ZZEF1: variants seen among roughly 807,000 people sequenced by gnomAD.
ZZEF1 encodes zinc finger ZZ-type and EF-hand domain containing 1.
A neutral mutation model predicts 342.8 loss-of-function variants in ZZEF1; 157 were observed. The ratio of observed to expected loss-of-function variants is 0.46; its 90% CI spans 0.40 to 0.52. The LOEUF is 0.52. Ranked by LOEUF, ZZEF1 falls within the 20% of genes least tolerant of loss-of-function variation. The pLI, the probability that ZZEF1 is intolerant of heterozygous loss-of-function variation, is 0.00. For missense variants in ZZEF1, 3,480 were observed against 3,725.6 expected, an observed-to-expected ratio of 0.93 and a Z score of 1.72; for synonymous variants, 1,505 against 1,429.1, an observed-to-expected ratio of 1.05 and a Z score of -1.20.
intron 39 of ZZEF1, among the ~76,000 whole-genome samples, chr17:4,036,817 A>ACT (rs368445866): frequency 0.055 from 3,934 of 72,180 alleles, 126 homozygotes; most frequent in East Asian, 0.11. Context: ...ACACACACAC[A>ACT]CTCTCTCTCT....
At chr17:4,129,140 T>C (rs1417066036) in intron 1 of ZZEF1, among the ~76,000 whole-genome samples, 1 of 152,194 alleles carries the variant, frequency 6.6e-6, no homozygotes, top group Admixed American at 6.5e-5. Flanking sequence ...TTTTAAAGTG[T>C]ATAATTCAGT....
intron 21 of ZZEF1, chr17:4,076,173 C>T (rs2057613719): frequency 7.5e-6 from 1 of 133,052 alleles, no homozygotes; most frequent in Non-Finnish European, 1.6e-5. Flanking sequence ...GCTCTGTGGC[C>T]CAGGCGGGAG....
intron 2 of ZZEF1, among the ~76,000 whole-genome samples, chr17:4,120,966 C>T (rs1597922335): frequency 2.0e-5 from 3 of 152,166 alleles, no homozygotes. Flanking sequence ...AGTTTTAGTG[C>T]AGACGAAGGT....
At chr17:4,058,227 A>G in intron 31 of ZZEF1, 72 bp from the exon 32 acceptor site, 2 of 1,484,624 alleles carry the variant, frequency 1.3e-6, no homozygotes, top group South Asian at 1.4e-5. Flanking sequence ...CAATTCAAGT[A>G]GGTGACCTGG....
chr17:4,013,320 G>C, intron 52 of ZZEF1, 129 bp downstream of exon 52: 2 of 948,092 alleles, frequency 2.1e-6, no homozygotes, highest in Non-Finnish European at 2.9e-6. Flanking sequence ...GCAAATGACT[G>C]AAAAACTGGA....
At chr17:4,060,647 G>A (rs1216879275) in intron 30 of ZZEF1, among the ~76,000 whole-genome samples, 1 of 138,418 alleles carries the variant, frequency 7.2e-6, no homozygotes, top group African/African-American at 2.8e-5. Context: ...TGCTTCTCCT[G>A]ATGCCACCAC....
chr17:4,097,908 G>C (rs1323478450), intron 9 of ZZEF1, among the ~76,000 whole-genome samples: 1 of 129,968 alleles, frequency 7.7e-6, no homozygotes, highest in African/African-American at 2.9e-5. Context: ...GGGCAGCACA[G>C]TGAGACCCCA....
In ZZEF1 at chr17:4,032,941, G is replaced by A. The variant is rs202181130; in HGVS notation, c.6646C>T (p.Pro2216Ser). The change falls in exon 41 of 55, where the codon CCA becomes TCA. Residue 2216 changes from proline to serine, a missense_variant. By Grantham distance (74) the Pro-to-Ser change is moderately conservative. This residue lies in a region of ZZEF1 where 1,269 missense variants were observed against 1,342.4 expected (regional missense o/e 0.95). Coordinates refer to ENST00000381638, the MANE Select transcript of ZZEF1 (RefSeq NM_015113.4). ...AEILRSLNSAPLWRDVIATFT... is the reference protein window; with the variant it reads ...AEILRSLNSASLWRDVIATFT... ...GTGGCAATGACATCACGCCACAGTG[G>A]GGCACTGTTGAGTGACCGCAGGATC... 3.1e-6 allele frequency: 5 copies of A among 1,611,132 alleles called. No homozygotes were observed. The highest frequency in any genetic ancestry group is 2.2e-5 in the East Asian group (1 of 44,798).
chr17:4,138,013 A>AAGGGAGTTAGGAACAAAGC (rs2058781783), intron 1 of ZZEF1, among the ~76,000 whole-genome samples: 2 of 151,924 alleles, frequency 1.3e-5, no homozygotes, highest in South Asian at 4.2e-4. Context: ...TAAATTAGGT[A>AAGGGAGTTAGGAACAAAGC]AGGGAGTTAG....
rs950226870 is a variant in ZZEF1, at chr17:4,016,961, G to A, written c.8001+410C>T. 2.0e-5 allele frequency: 4 copies of A among 202,346 alleles called. No homozygotes were observed. Among genetic ancestry groups the A allele is most frequent in the Admixed American group, 1.0e-4 (2 of 19,066 alleles). The allele number at this position is 202,346 out of a possible 1,614,324, so 12.5% of individuals were successfully genotyped here. A position where few individuals can be genotyped will look rare whatever the true frequency, so the allele number is the denominator to read the frequency against. On this transcript the variant is annotated intron_variant, in intron 48 of 54. Transcript: ENST00000381638. This position sits in a 1 kb window ranked among gnomAD's most constrained non-coding sequence, Gnocchi z 4.4. ...CAAGCCTGCCAGCACCTGCAGGGCT[G>A]CAAGGCCGGGAAAAGACCTCGAGGT...
rs750846115 is a variant in ZZEF1 at position 4,090,713 on chromosome 17, G to A, written c.2025+6C>T. ...GGGAGTGGGCAAACGACGCACTAAT[G>A]CTTACTTTGGCAACTCTGCACTGTT... On this transcript the variant is annotated splice_donor_region_variant and intron_variant, in intron 12 of 54. Coordinates refer to ENST00000381638, the MANE Select transcript of ZZEF1 (RefSeq NM_015113.4). 4.3e-6 allele frequency: 7 copies of A among 1,611,792 alleles called. No individual in the cohort carries two copies. Among genetic ancestry groups the A allele is most frequent in the Non-Finnish European group, 8.5e-7 (1 of 1,178,206 alleles).
At chr17:4,106,558 T>C (rs2058216252) in intron 6 of ZZEF1, among the ~76,000 whole-genome samples, 1 of 152,176 alleles carries the variant, frequency 6.6e-6, no homozygotes, top group Non-Finnish European at 1.5e-5. Context: ...ATGAATGTTA[T>C]GTTCTCTTAA....
chr17:4,044,267 A>G lies in ZZEF1; in HGVS notation c.6123T>C (p.Ile2041=). Residue 2041 remains isoleucine (I), a synonymous_variant, in exon 38 of 55, where the codon ATT becomes ATC. Transcript: ENST00000381638. The part of the protein sequence containing the change: ...LSKDPSCQTQ[I]SDSPADASPP... ...GGCTAGCATCTGCAGGTGAATCTGAAATTTGGGTCTGGCATGAAGGATCCT... is the reference window on the plus strand; with the variant it reads ...GGCTAGCATCTGCAGGTGAATCTGAGATTTGGGTCTGGCATGAAGGATCCT... The G allele has an allele frequency of 1.2e-6, 2 of 1,614,112 alleles. No individual in the cohort carries two copies. The highest frequency in any genetic ancestry group is 1.7e-6 in the Non-Finnish European group (2 of 1,179,996).
chr17:4,115,935 G>C (rs1363484750), intron 3 of ZZEF1, among the ~76,000 whole-genome samples: 1 of 152,158 alleles, frequency 6.6e-6, no homozygotes, highest in Non-Finnish European at 1.5e-5. Flanking sequence ...ATTTTACAAG[G>C]TGGAACTATT....
Position 4,044,249 on chromosome 17 carries a change from A to G in ZZEF1, c.6141T>C (p.Asp2047=). ...CTGGAAGTCCTGTAGGTGGGCTAGC[A>G]TCTGCAGGTGAATCTGAAATTTGGG... is the stretch of plus-strand genomic sequence containing the variant. ...CQTQISDSPA[D]ASPPTGLPDA... is the part of the protein sequence containing the mutation. The change falls in exon 38 of 55, where the codon GAT becomes GAC. Residue 2047 remains aspartate, a synonymous_variant. Transcript: ENST00000381638. 1 of 1,614,116 alleles carries G rather than the reference A, an allele frequency of 6.2e-7. No homozygotes were observed. Among genetic ancestry groups the G allele is most frequent in the Admixed American group, 1.7e-5 (1 of 59,998 alleles).
At chr17:4,019,608 C>A in intron 46 of ZZEF1, 61 bp downstream of exon 46, 1 of 1,476,666 alleles carries the variant, frequency 6.8e-7, no homozygotes, top group Admixed American at 1.8e-5. Flanking sequence ...AGGCGCACAC[C>A]CTCCCGCCCT....
Position 4,009,633 on chromosome 17 carries a change from G to C in ZZEF1, c.8704C>G (p.Leu2902Val), listed in dbSNP as rs2055893467. ...GCACGGTTCTCGGTGACGAAGAAGA[G>C]CTCAGTGAGGGCACGATGCAGGGGA... ...LLPLHRALTE[L>V]FFVTENRAQE... Residue 2902 changes from leucine to valine, a missense_variant, in exon 53 of 55, where the codon CTC (leucine) becomes GTC (valine). Transcript: ENST00000381638. 7 of 1,613,934 alleles carry C rather than the reference G, an allele frequency of 4.3e-6. No homozygotes were observed. In the East Asian group the frequency reaches 1.6e-4, roughly 36 times the overall value.
At chr17:4,090,971 A>G (rs1291438546) in intron 11 of ZZEF1, 141 bp from the exon 12 acceptor site, 5 of 656,196 alleles carry the variant, frequency 7.6e-6, no homozygotes, top group Non-Finnish European at 1.4e-5. Context: ...GGTACATGGT[A>G]CCCTGTGAGC....
intron 52 of ZZEF1, among the ~76,000 whole-genome samples, chr17:4,013,180 T>C (rs1404163390): frequency 1.3e-5 from 2 of 151,598 alleles, no homozygotes; most frequent in African/African-American, 4.9e-5. Context: ...TACACTCAAA[T>C]GCATTCCAGG....
Sources: allele counts gnomAD v4.1 joint callset (sites outside exome capture counted in the v4.1 genomes callset), GRCh38; gene constraint gnomAD v4.1.1; regional missense constraint gnomAD v4.1.1; non-coding constraint Gnocchi (gnomAD v3.1); transcripts MANE v1.5; gene names NCBI Gene and HGNC (gene_info 2026-07-23, HGNC 2026-07-21).